ST8SIA3: variants seen among roughly 807,000 people sequenced by gnomAD.
The protein encoded by ST8SIA3 is ST8 alpha-N-acetyl-neuraminide alpha-2,8-sialyltransferase 3, also known as alpha-N-acetylneuraminate alpha-2,8-sialyltransferase ST8SIA3.
ST8SIA3 carries 17 observed loss-of-function variants against 34.5 expected under a neutral mutation model. That is an observed-to-expected ratio of 0.49 (90% confidence interval 0.34 to 0.74). ST8SIA3 has a LOEUF of 0.74. Ranked by LOEUF, ST8SIA3 falls within the 30% of genes least tolerant of loss-of-function variation. The pLI, the probability that ST8SIA3 is intolerant of heterozygous loss-of-function variation, is 0.01. For synonymous variants in ST8SIA3, 172 were observed against 176.1 expected, an observed-to-expected ratio of 0.98 and a Z score of 0.19; for missense variants, 354 against 467.8, an observed-to-expected ratio of 0.76 and a Z score of 2.24.
rs1026422459 is a variant in ST8SIA3 at position 57,362,246 on chromosome 18, G to T, written c.*1969G>T. 1 of 152,194 alleles carries T rather than the reference G, an allele frequency of 6.6e-6. No homozygotes were observed. Among genetic ancestry groups the T allele is most frequent in the Non-Finnish European group, 1.5e-5 (1 of 68,024 alleles). 9.4% of individuals were successfully genotyped at this position (152,194 alleles called of 1,614,324 possible). ...TACTACCATCCTCACACTGTGCTCT[G>T]TTGGGATCACTGAGAGATTGACAAC... is the stretch of plus-strand genomic sequence containing the variant. On this transcript the variant is annotated 3_prime_UTR_variant, in exon 4 of 4. Transcript: ENST00000324000.
chr18:57,352,738 A>G lies in ST8SIA3; in HGVS notation c.-109A>G, dbSNP rs1326887222. On this transcript the variant is annotated 5_prime_UTR_variant, in exon 1 of 4. Transcript: ENST00000324000. ...CCGCCACACGCGCGCGCGCTCACAC[A>G]CACACACACACACACACACACACAC... is the stretch of plus-strand genomic sequence containing the variant. 1 of 310,646 alleles carries G rather than the reference A, an allele frequency of 3.2e-6. No individual in the cohort carries two copies. Among genetic ancestry groups the G allele is most frequent in the Non-Finnish European group, 4.8e-6 (1 of 206,622 alleles). 19.2% of individuals were successfully genotyped at this position (310,646 alleles called of 1,614,324 possible).
At chr18:57,359,939 C>A in intron 3 of ST8SIA3, 56 bp from the exon 4 acceptor site, 1 of 1,493,708 alleles carries the variant, frequency 6.7e-7, no homozygotes, top group Non-Finnish European at 9.2e-7. Flanking sequence ...ATAGACCTTG[C>A]TGATTGAAAC....
In ST8SIA3 at chr18:57,354,402, GTC is replaced by G; in HGVS notation, c.181_182del (p.Ser61ThrfsTer28). On this transcript the variant is annotated frameshift_variant and splice_region_variant, in exon 2 of 4. Coordinates refer to ENST00000324000, the MANE Select transcript of ST8SIA3 (RefSeq NM_015879.3). LOFTEE classifies it high-confidence loss of function. ...TGTCTGTGCTCATGCTCCTCTCCAG[GTC>G]ACAATTTGCGCTGAAGTTTCTAGAC... is the stretch of plus-strand genomic sequence containing the variant. ...RMYMFHAGFR[S>X]QFALKFLDPS... 1 of 1,613,986 alleles carries G rather than the reference GTC, an allele frequency of 6.2e-7. No homozygotes were observed. Among genetic ancestry groups the G allele is most frequent in the Non-Finnish European group, 8.5e-7 (1 of 1,179,932 alleles).
At chr18:57,359,583 T>A (rs1000242604) in intron 3 of ST8SIA3, among the ~76,000 whole-genome samples, 2 of 151,244 alleles carry the variant, frequency 1.3e-5, no homozygotes, top group East Asian at 3.9e-4. Context: ...AAAAGCACAG[T>A]CATTCTTTTT....
rs1452262328 is a variant in ST8SIA3 at position 57,366,452 on chromosome 18, T to A, written c.*6175T>A. ...CAGTTAAAACCATGTTTGGCTGATCTTTTTTAAAAAATCTATACCTATAGT... is the reference window on the plus strand; with the variant it reads ...CAGTTAAAACCATGTTTGGCTGATCATTTTTAAAAAATCTATACCTATAGT... On this transcript the variant is annotated 3_prime_UTR_variant, in exon 4 of 4. Coordinates refer to ENST00000324000, the MANE Select transcript of ST8SIA3 (RefSeq NM_015879.3). 2 of 152,640 alleles carry A rather than the reference T, an allele frequency of 1.3e-5. No homozygotes were observed. The highest frequency in any genetic ancestry group is 3.9e-4 in the East Asian group (2 of 5,180). 9.5% of individuals were successfully genotyped at this position (152,640 alleles called of 1,614,324 possible).
At chr18:57,353,959 T>C (rs936050883) in intron 1 of ST8SIA3, among the ~76,000 whole-genome samples, 3 of 151,984 alleles carry the variant, frequency 2.0e-5, no homozygotes, top group African/African-American at 7.2e-5. Flanking sequence ...AAGGAAGAGG[T>C]TAAGGCAGGA....
Position 57,364,832 on chromosome 18 carries a change from T to G in ST8SIA3, c.*4555T>G, listed in dbSNP as rs2049851297. 6.6e-6 allele frequency: 1 copy of G among 152,568 alleles called. No individual in the cohort carries two copies. Among genetic ancestry groups the G allele is most frequent in the Admixed American group, 6.5e-5 (1 of 15,272 alleles). 9.5% of individuals were successfully genotyped at this position (152,568 alleles called of 1,614,324 possible). A position where few individuals can be genotyped will look rare whatever the true frequency, so the allele number is the denominator to read the frequency against. On this transcript the variant is annotated 3_prime_UTR_variant, in exon 4 of 4. Transcript: ENST00000324000. ...AAATGGGAAACACTTTAGAATGTCA[T>G]TATTGTATTATATATTGTCATCTTA...
rs769841984 is a variant in ST8SIA3, at chr18:57,360,218, C to T, written c.1084C>T (p.Leu362=). The part of the protein sequence containing the change: ...ESHQLPAEFQ[L]LYRMHGEGLT... ...CCACCAGCTGCCTGCTGAGTTTCAGCTGCTGTACCGAATGCATGGGGAAGG... is the reference window on the plus strand; with the variant it reads ...CCACCAGCTGCCTGCTGAGTTTCAGTTGCTGTACCGAATGCATGGGGAAGG... The change falls in exon 4 of 4, where the codon CTG becomes TTG. Residue 362 remains leucine, a synonymous_variant. Transcript: ENST00000324000. 2 of 1,614,082 alleles carry T rather than the reference C, an allele frequency of 1.2e-6. No homozygotes were observed. Among genetic ancestry groups the T allele is most frequent in the Admixed American group, 1.7e-5 (1 of 59,990 alleles).
At chr18:57,353,071 G>GGGGTGT (rs1568100403) in intron 1 of ST8SIA3, 46 bp downstream of exon 1, 2 of 1,586,272 alleles carry the variant, frequency 1.3e-6, no homozygotes, top group Admixed American at 3.3e-5. Flanking sequence ...TTTGGTTGAT[G>GGGGTGT]GGGTGTTTGG....
At chr18:57,356,830 G>A (rs541987392) in intron 2 of ST8SIA3, 83 bp from the exon 3 acceptor site, 1 of 906,726 alleles carries the variant, frequency 1.1e-6, no homozygotes, top group Non-Finnish European at 1.7e-6. Flanking sequence ...GATTCCCTCT[G>A]AATGAAATGT....
rs961916551 is a variant in ST8SIA3 at position 57,365,337 on chromosome 18, A to T, written c.*5060A>T. The T allele has an allele frequency of 3.3e-5, 5 of 152,226 alleles. No homozygotes were observed. The highest frequency in any genetic ancestry group is 5.9e-5 in the Non-Finnish European group (4 of 68,038). 9.4% of individuals were successfully genotyped at this position (152,226 alleles called of 1,614,324 possible). The stretch of plus-strand genomic sequence containing the variant: ...TGGCAATATAGACACAGTCTTAGTG[A>T]TTCAACAATTCAGCTGTTTCAGCCG... On this transcript the variant is annotated 3_prime_UTR_variant, in exon 4 of 4. Coordinates refer to ENST00000324000, the MANE Select transcript of ST8SIA3 (RefSeq NM_015879.3).
At chr18:57,355,972 A>G (rs896983438) in intron 2 of ST8SIA3, among the ~76,000 whole-genome samples, 1 of 152,216 alleles carries the variant, frequency 6.6e-6, no homozygotes, top group Admixed American at 6.5e-5. Flanking sequence ...GCAACGGATG[A>G]TGTGCAAAGC....
chr18:57,358,569 T>C (rs1333912704), intron 3 of ST8SIA3, among the ~76,000 whole-genome samples: 1 of 152,170 alleles, frequency 6.6e-6, no homozygotes, highest in African/African-American at 2.4e-5. Context: ...TGCCATAATT[T>C]ACAGTCCAAA....
rs1440116572 is a variant in ST8SIA3, at chr18:57,367,353, C to T, written c.*7076C>T. 5 of 152,636 alleles carry T rather than the reference C, an allele frequency of 3.3e-5. No individual in the cohort carries two copies. The highest frequency in any genetic ancestry group is 4.1e-4 in the South Asian group (2 of 4,824). 9.5% of individuals were successfully genotyped at this position (152,636 alleles called of 1,614,324 possible). A position where few individuals can be genotyped will look rare whatever the true frequency, so the allele number is the denominator to read the frequency against. On this transcript the variant is annotated 3_prime_UTR_variant, in exon 4 of 4. Coordinates refer to ENST00000324000, the MANE Select transcript of ST8SIA3 (RefSeq NM_015879.3). ...TTGTTTCTCTACATTGAGCAAGCTA[C>T]ATTTTATTTTAAATGAGTCAGGTGC...
chr18:57,355,177 G>GT (rs922167683), intron 2 of ST8SIA3, among the ~76,000 whole-genome samples: 15 of 152,124 alleles, frequency 9.9e-5, no homozygotes, highest in African/African-American at 3.6e-4. Flanking sequence ...TTGAGGTTTT[G>GT]TTTTTTTAGG....
chr18:57,359,389 C>G (rs1226062105), intron 3 of ST8SIA3, among the ~76,000 whole-genome samples: 2 of 151,846 alleles, frequency 1.3e-5, no homozygotes, highest in Non-Finnish European at 2.9e-5. Context: ...CTTGGGAACC[C>G]CTAGTTAGAA....
Position 57,360,216 on chromosome 18 carries a change from A to T in ST8SIA3, c.1082A>T (p.Gln361Leu). 6.2e-7 allele frequency: 1 copy of T among 1,614,106 alleles called. No homozygotes were observed. Among genetic ancestry groups the T allele is most frequent in the Non-Finnish European group, 8.5e-7 (1 of 1,180,012 alleles). The change falls in exon 4 of 4, where the codon CAG (glutamine) becomes CTG (leucine). Residue 361 changes from glutamine to leucine, a missense_variant. Transcript: ENST00000324000. ...TCCCACCAGCTGCCTGCTGAGTTTC[A>T]GCTGCTGTACCGAATGCATGGGGAA... Reference protein sequence around the residue: ...QESHQLPAEFQLLYRMHGEGL... With the variant: ...QESHQLPAEFLLLYRMHGEGL...
At position 57,363,523 on chromosome 18, in the gene ST8SIA3, C is replaced by T. The variant is rs2049844017; in HGVS notation, c.*3246C>T. ...GTGACCTTGATGTCAGGTACCTGGCCATGGGGCTACCAGCAAGGATGTGCA... is the reference window on the plus strand; with the variant it reads ...GTGACCTTGATGTCAGGTACCTGGCTATGGGGCTACCAGCAAGGATGTGCA... On this transcript the variant is annotated 3_prime_UTR_variant, in exon 4 of 4. Transcript: ENST00000324000. The T allele has an allele frequency of 6.6e-6, 1 of 152,318 alleles. No individual in the cohort carries two copies. Among genetic ancestry groups the T allele is most frequent in the Admixed American group, 6.5e-5 (1 of 15,282 alleles). 9.4% of individuals were successfully genotyped at this position (152,318 alleles called of 1,614,324 possible). A position where few individuals can be genotyped will look rare whatever the true frequency, so the allele number is the denominator to read the frequency against.
rs903619531 is a variant in ST8SIA3 at position 57,352,667 on chromosome 18, C to A, written c.-180C>A. ...TCCGGGGCTCCTGCCAGCCCCAACCCCCGGCCCCGGTGGCCTCCCCCCACC... is the reference window on the plus strand; with the variant it reads ...TCCGGGGCTCCTGCCAGCCCCAACCACCGGCCCCGGTGGCCTCCCCCCACC... On this transcript the variant is annotated 5_prime_UTR_variant, in exon 1 of 4. Coordinates refer to ENST00000324000, the MANE Select transcript of ST8SIA3 (RefSeq NM_015879.3). 4.8e-6 allele frequency: 2 copies of A among 419,190 alleles called. No individual in the cohort carries two copies. Among genetic ancestry groups the A allele is most frequent in the Non-Finnish European group, 9.3e-6 (2 of 214,960 alleles). 26.0% of individuals were successfully genotyped at this position (419,190 alleles called of 1,614,324 possible). A position where few individuals can be genotyped will look rare whatever the true frequency, so the allele number is the denominator to read the frequency against.
Sources: gnomAD v4.1 joint callset for allele counts (sites outside exome capture counted in the v4.1 genomes callset) on GRCh38, gnomAD v4.1.1 for gene constraint, MANE v1.5 for transcripts, NCBI Gene and HGNC (gene_info 2026-07-23, HGNC 2026-07-21) for gene names.